ZNF160: variants seen among roughly 807,000 people sequenced by gnomAD.
ZNF160 encodes the protein zinc finger protein 160, also known as KRAB zinc finger protein KR18.
ZNF160 carries 9 observed loss-of-function variants against 13.1 expected under a neutral mutation model. The observed-to-expected ratio is 0.69, with a 90% CI of 0.41 to 1.20. ZNF160 has a LOEUF of 1.20. Ranked by LOEUF, ZNF160 falls within the 50% of genes most tolerant of loss-of-function variation. The pLI is 0.01. For missense variants in ZNF160, 838 were observed against 988.0 expected (o/e 0.85, Z 2.04); for synonymous variants, 293 against 333.2 (o/e 0.88, Z 1.31).
At chr19:53,070,909 A>G (rs2145472095) in intron 5 of ZNF160, among the ~76,000 whole-genome samples, 1 of 151,872 alleles carries the variant, frequency 6.6e-6, no homozygotes, top group Middle Eastern at 3.4e-3. Flanking sequence ...AAATAATTTA[A>G]AAATTAGGCC....
chr19:53,096,415 T>A (rs1220506224), intron 1 of ZNF160, among the ~76,000 whole-genome samples: 1 of 151,638 alleles, frequency 6.6e-6, no homozygotes, highest in Admixed American at 6.6e-5. Flanking sequence ...CTTACCAACC[T>A]GTGGAAGGGC....
chr19:53,090,903 T>C (rs2085010317), intron 2 of ZNF160: 1 of 152,170 alleles, frequency 6.6e-6, no homozygotes, highest in Non-Finnish European at 1.5e-5. Context: ...AAGCAGGAAA[T>C]GGCATGAAAG....
At chr19:53,071,539 CAA>C (rs56799856) in intron 5 of ZNF160, among the ~76,000 whole-genome samples, 18 of 58,752 alleles carry the variant, frequency 3.1e-4, no homozygotes, top group Non-Finnish European at 2.9e-4. Context: ...TCCGTCTCAT[CAA>C]AAAAAAAAAA....
intron 5 of ZNF160, chr19:53,073,486 A>G (rs767916728): frequency 6.3e-7 from 1 of 1,598,074 alleles, no homozygotes. Context: ...AGCAGCAGCC[A>G]ATGTTTCCAT....
At chr19:53,072,866 G>T in intron 5 of ZNF160, 1 of 734,826 alleles carries the variant, frequency 1.4e-6, no homozygotes, top group Non-Finnish European at 1.7e-6. Flanking sequence ...AAAAATTATT[G>T]TCCGTGGAAT....
chr19:53,069,648 C>T lies in ZNF160; in HGVS notation c.886G>A (p.Val296Ile), dbSNP rs765456888. Residue 296 changes from valine (V) to isoleucine (I), a missense_variant, in exon 6 of 6, where the codon GTT becomes ATT. This residue lies in a region of ZNF160 where 387 missense variants were observed against 402.3 expected (regional missense o/e 0.96). Transcript: ENST00000683776. The surrounding 1 kb of genome is among the most constrained non-coding windows in gnomAD (Gnocchi z 4.4). ...TGATGAATAGTTAGATTTGAACGAA[C>T]AGTAAAGGTTTTGCCGCACTCACTG... ...KCSECGKTFT[V>I]RSNLTIHQVI... 6.2e-6 allele frequency: 10 copies of T among 1,613,770 alleles called. No homozygotes were observed. The Admixed American group carries it at 1.7e-4, about 27-fold the overall frequency.
chr19:53,084,001 C>T (rs1311719924), intron 3 of ZNF160, among the ~76,000 whole-genome samples: 3 of 152,172 alleles, frequency 2.0e-5, no homozygotes, highest in African/African-American at 7.2e-5. Context: ...TAACCTTTTA[C>T]CTCCCCTTCA....
intron 1 of ZNF160, among the ~76,000 whole-genome samples, chr19:53,097,618 A>C (rs1163844636): frequency 6.6e-6 from 1 of 152,206 alleles, no homozygotes. Flanking sequence ...AATACCACTG[A>C]AACCTACCAA....
At chr19:53,086,126 G>T in intron 3 of ZNF160, 136 bp downstream of exon 3, 1 of 1,332,064 alleles carries the variant, frequency 7.5e-7, no homozygotes, top group Non-Finnish European at 1.1e-6. Context: ...GAGATGAGAG[G>T]GACTGAGGGA....
chr19:53,099,792 A>C (rs1029109089), intron 1 of ZNF160, among the ~76,000 whole-genome samples: 1 of 152,202 alleles, frequency 6.6e-6, no homozygotes, highest in Admixed American at 6.5e-5. Flanking sequence ...ATATTGACTG[A>C]GTCCCTCACC....
At chr19:53,088,034 G>A (rs943064120) in intron 2 of ZNF160, among the ~76,000 whole-genome samples, 11 of 152,198 alleles carry the variant, frequency 7.2e-5, no homozygotes, top group Admixed American at 7.2e-4. Flanking sequence ...GGCAGTGGGT[G>A]TGGACGGAGA....
intron 3 of ZNF160, among the ~76,000 whole-genome samples, chr19:53,076,716 C>T (rs574318329): frequency 6.6e-6 from 1 of 152,270 alleles, no homozygotes; most frequent in Admixed American, 6.5e-5. Flanking sequence ...CCCATGGAGA[C>T]ACAGATTTAA....
chr19:53,078,284 C>G (rs1267359013), intron 3 of ZNF160, among the ~76,000 whole-genome samples: 2 of 151,740 alleles, frequency 1.3e-5, no homozygotes, highest in African/African-American at 2.4e-5. Context: ...GTGGCATGAG[C>G]CTGTAGTCCC....
intron 3 of ZNF160, among the ~76,000 whole-genome samples, chr19:53,077,593 C>G (rs930471428): frequency 6.9e-6 from 1 of 143,966 alleles, no homozygotes; most frequent in African/African-American, 2.5e-5. Flanking sequence ...CGCTTGAACC[C>G]GGGAGGTGGA....
At chr19:53,092,641 C>T (rs1026575039) in intron 1 of ZNF160, among the ~76,000 whole-genome samples, 8 of 152,060 alleles carry the variant, frequency 5.3e-5, no homozygotes, top group African/African-American at 1.7e-4. Flanking sequence ...GAACCCTATA[C>T]AAAGTAAAAC....
intron 5 of ZNF160, among the ~76,000 whole-genome samples, chr19:53,070,765 T>C (rs979946446): frequency 1.3e-5 from 2 of 152,056 alleles, no homozygotes; most frequent in Non-Finnish European, 2.9e-5. Flanking sequence ...ATTCAAATAT[T>C]TGGGAAGGGC....
rs989518250 is a variant in ZNF160, at chr19:53,079,649, C to T, written c.16-4466G>A. 1.7e-5 allele frequency among the ~76,000 whole-genome samples: 2 copies of T among 119,534 alleles called. 1 individual carries two copies. The highest frequency in any genetic ancestry group is 7.1e-5 in the African/African-American group (2 of 28,268). 78.4% of individuals were successfully genotyped at this position (119,534 alleles called of 152,430 possible). The stretch of plus-strand genomic sequence containing the variant: ...TCTTGGCTATGACACCAAAAGGAAA[C>T]ACAATAGCAGCAAAAAAAAAAAAAA... On this transcript the variant is annotated intron_variant, in intron 3 of 5. Transcript: ENST00000683776.
Position 53,069,110 on chromosome 19 carries a change from T to C in ZNF160, c.1424A>G (p.His475Arg). ...GCATTTGAAAGGTTTTGTTCCAGTA[T>C]GGATGACCTGATGGGTAGCTAGGTT... ...HSNLATHQVI[H>R]TGTKPFKCNE... is the part of the protein sequence containing the mutation. The change falls in exon 6 of 6, where the codon CAT (histidine) becomes CGT (arginine). Residue 475 changes from histidine (H) to arginine (R), a missense_variant. Physicochemically the swap from His to Arg is conservative, Grantham distance 29. Transcript: ENST00000683776. This position sits in a 1 kb window ranked among gnomAD's most constrained non-coding sequence, Gnocchi z 4.4. 6.2e-7 allele frequency: 1 copy of C among 1,614,198 alleles called. No homozygotes were observed. Among genetic ancestry groups the C allele is most frequent in the Non-Finnish European group, 8.5e-7 (1 of 1,180,028 alleles).
Position 53,096,750 on chromosome 19 carries a change from A to G in ZNF160, c.-353-5030T>C, listed in dbSNP as rs59592867. The stretch of plus-strand genomic sequence containing the variant: ...GGGAGGGGAGAAAGGAGAGAGACAA[A>G]CAGACCAACCCGTCCTCTCCCTCAA... On this transcript the variant is annotated intron_variant, in intron 1 of 5. Coordinates refer to ENST00000683776, the MANE Select transcript of ZNF160 (RefSeq NM_001322131.2). Among the ~76,000 whole-genome samples, 924 of 124,388 alleles carry G rather than the reference A, an allele frequency of 7.4e-3. 7 individuals carry two copies. Among genetic ancestry groups the G allele is most frequent in the African/African-American group, 0.026 (851 of 32,294 alleles). The allele number at this position is 124,388 out of a possible 152,430, so 81.6% of individuals were successfully genotyped here. A position where few individuals can be genotyped will look rare whatever the true frequency, so the allele number is the denominator to read the frequency against.
Sources: gnomAD v4.1 joint callset for allele counts (sites outside exome capture counted in the v4.1 genomes callset) on GRCh38, gnomAD v4.1.1 for gene constraint, gnomAD v4.1.1 regional missense constraint, Gnocchi (gnomAD v3.1) non-coding constraint, MANE v1.5 for transcripts, NCBI Gene and HGNC (gene_info 2026-07-23, HGNC 2026-07-21) for gene names.